The following RNF14 variants were observed in gnomAD, a reference collection of about 807,000 sequenced individuals.
The protein encoded by RNF14 is ring finger protein 14.
Under a neutral mutation model 52.6 loss-of-function variants are expected in RNF14, and 26 were observed. The ratio of observed to expected loss-of-function variants is 0.49; its 90% CI spans 0.36 to 0.69. The LOEUF (loss-of-function observed/expected upper bound fraction) is 0.69. Ranked by LOEUF, RNF14 falls within the 30% of genes least tolerant of loss-of-function variation. The pLI, the probability that RNF14 is intolerant of heterozygous loss-of-function variation, is 0.00. For synonymous variants in RNF14, 194 were observed against 202.0 expected (o/e 0.96, Z 0.34); for missense variants, 404 against 560.4 (o/e 0.72, Z 2.82).
upstream of RNF14, among the ~76,000 whole-genome samples, chr5:141,968,327 G>A (rs181789875): frequency 3.7e-3 from 561 of 152,106 alleles, 3 homozygotes; most frequent in African/African-American, 0.013. Flanking sequence ...GGCTGGTCTC[G>A]ATCTCCTGAC....
chr5:141,979,453 C>T lies in RNF14; in HGVS notation c.834+623C>T, dbSNP rs928018114. Among the ~76,000 whole-genome samples the T allele has an allele frequency of 1.2e-4, 19 of 152,056 alleles. 1 individual carries two copies. Among genetic ancestry groups the T allele is most frequent in the Admixed American group, 1.1e-3 (17 of 15,260 alleles). On this transcript the variant is annotated intron_variant, in intron 5 of 8. Coordinates refer to ENST00000394520, the MANE Select transcript of RNF14 (RefSeq NM_004290.5). ...TTTTAGTAGAGACGGGGTTTCACCA[C>T]GTTGGCCAGGCTGGTCTTGAACTCC...
intron 5 of RNF14, 128 bp downstream of exon 5, chr5:141,978,958 T>C (rs1754507553): frequency 1.0e-6 from 1 of 958,236 alleles, no homozygotes; most frequent in Admixed American, 2.7e-5. Context: ...CAAGTTGTTT[T>C]GCTGTATCCA....
rs116351048 is a variant in RNF14 at position 141,984,675 on chromosome 5, T to G, written c.1237-128T>G. The G allele has an allele frequency of 2.2e-3, 1,662 of 754,224 alleles. 24 individuals are homozygous for G. In the African/African-American group the frequency reaches 0.024, roughly 11 times the overall value. 46.7% of individuals were successfully genotyped at this position (754,224 alleles called of 1,614,324 possible). Reference sequence around the variant, plus strand: ...ATTACATAGTCATCAGTGTGTTACATTGATATCTCAACCCTGCATAAGAAA... The same window carrying G: ...ATTACATAGTCATCAGTGTGTTACAGTGATATCTCAACCCTGCATAAGAAA... On this transcript the variant is annotated intron_variant, in intron 7 of 8. Transcript: ENST00000394520.
chr5:141,984,712 C>T, intron 7 of RNF14, 91 bp from the exon 8 acceptor site: 2 of 1,211,440 alleles, frequency 1.7e-6, no homozygotes, highest in Non-Finnish European at 2.4e-6. Context: ...GGGAGAGGAC[C>T]AAGACAATGT....
chr5:141,981,501 G>C (rs776399721), intron 6 of RNF14: 2 of 152,038 alleles, frequency 1.3e-5, no homozygotes, highest in African/African-American at 4.8e-5. Context: ...GATCTTTGAC[G>C]TATCAGAGAA....
chr5:141,966,376 AAAT>A (rs1753349716), upstream of RNF14, among the ~76,000 whole-genome samples: 2 of 152,250 alleles, frequency 1.3e-5, no homozygotes, highest in Admixed American at 1.3e-4. Flanking sequence ...TATTAAAAAT[AAAT>A]AAAAATGTCA....
chr5:141,984,701 A>G, intron 7 of RNF14, 102 bp from the exon 8 acceptor site: 2 of 1,034,468 alleles, frequency 1.9e-6, no homozygotes, highest in East Asian at 2.4e-5. Flanking sequence ...GCATAAGAAA[A>G]GGGAGAGGAC....
upstream of RNF14, chr5:141,955,470 G>A (rs1218179381): frequency 3.7e-6 from 6 of 1,614,038 alleles, no homozygotes; most frequent in Non-Finnish European, 5.1e-6. This position sits in a 1 kb window ranked among gnomAD's most constrained non-coding sequence, Gnocchi z 5.5. Context: ...CATCTTTGTG[G>A]GACTGCCCGA....
At chr5:141,961,057 T>C (rs1753271461) in intron 1 of RNF14, among the ~76,000 whole-genome samples, 1 of 152,162 alleles carries the variant, frequency 6.6e-6, no homozygotes, top group South Asian at 2.1e-4. Context: ...CTGATGACAA[T>C]AGTATCTCTT....
chr5:141,978,916 A>T, intron 5 of RNF14, 86 bp downstream of exon 5: 1 of 1,455,762 alleles, frequency 6.9e-7, no homozygotes, highest in Admixed American at 1.9e-5. Flanking sequence ...GATAGGGCTC[A>T]TGGGGCAGTC....
chr5:141,978,745 A>G lies in RNF14; in HGVS notation c.749A>G (p.Tyr250Cys), dbSNP rs747984113. ...TACTGCAAAGCCTGTCTGAAGGACT[A>G]CTTTGAAATCCAGATCAGAGATGGC... ...HVYCKACLKD[Y>C]FEIQIRDGQV... The change falls in exon 5 of 9, where the codon TAC (tyrosine) becomes TGC (cysteine). Residue 250 changes from tyrosine (Y) to cysteine (C), a missense_variant. Tyr to Cys is a radical substitution (Grantham distance 194, BLOSUM62 -2). Transcript: ENST00000394520. 4.3e-6 allele frequency: 7 copies of G among 1,614,022 alleles called. No homozygotes were observed. The Admixed American group carries it at 1.0e-4, about 23-fold the overall frequency.
chr5:141,972,734 G>T (rs996018288), intron 2 of RNF14, among the ~76,000 whole-genome samples: 1 of 151,988 alleles, frequency 6.6e-6, no homozygotes, highest in Admixed American at 6.6e-5. Flanking sequence ...GGGATTACAG[G>T]GGTGAGCCAC....
intron 4 of RNF14, among the ~76,000 whole-genome samples, chr5:141,975,297 T>C (rs1754147381): frequency 6.6e-6 from 1 of 152,224 alleles, no homozygotes; most frequent in Non-Finnish European, 1.5e-5. Flanking sequence ...TGATACTACT[T>C]TTCTCTTAGT....
Position 141,983,083 on chromosome 5 carries a change from CTTT to C in RNF14, c.1064-292_1064-290del, listed in dbSNP as rs1024016595. On this transcript the variant is annotated intron_variant, in intron 6 of 8. Coordinates refer to ENST00000394520, the MANE Select transcript of RNF14 (RefSeq NM_004290.5). The stretch of plus-strand genomic sequence containing the variant: ...TTTACTGGGTTATAACATAAATATA[CTTT>C]TTTTCTGGATTCTGTGATGAGTGTT... Among the ~76,000 whole-genome samples, 3 of 152,176 alleles carry C rather than the reference CTTT, an allele frequency of 2.0e-5. 1 individual carries two copies. The highest frequency in any genetic ancestry group is 6.8e-3 in the Middle Eastern group (2 of 294).
chr5:141,956,284 A>C, upstream of RNF14: 5 of 1,614,172 alleles, frequency 3.1e-6, no homozygotes, highest in Non-Finnish European at 4.2e-6. Flanking sequence ...TTCATAGTTC[A>C]GTGACCTCTG....
At chr5:141,964,290 T>A (rs976310713), upstream of RNF14, among the ~76,000 whole-genome samples, 1 of 152,208 alleles carries the variant, frequency 6.6e-6, no homozygotes, top group African/African-American at 2.4e-5. Flanking sequence ...TTGAGCCAAG[T>A]ATTGACTTGG....
rs1473152434 is a variant in RNF14 at position 141,973,632 on chromosome 5, C to T, written c.44C>T (p.Ala15Val). 3.7e-6 allele frequency: 6 copies of T among 1,613,550 alleles called. No homozygotes were observed. Among genetic ancestry groups the T allele is most frequent in the African/African-American group, 1.3e-5 (1 of 74,884 alleles). Reference protein sequence around the residue: ...DREAQEDELLALASIYDGDEF... With the variant: ...DREAQEDELLVLASIYDGDEF... Reference sequence around the variant, plus strand: ...GAAGCTCAGGAGGATGAATTGCTGGCCCTGGCAAGTATTTACGATGGAGAT... The same window carrying T: ...GAAGCTCAGGAGGATGAATTGCTGGTCCTGGCAAGTATTTACGATGGAGAT... The change falls in exon 3 of 9, where the codon GCC becomes GTC. Residue 15 changes from alanine to valine, a missense_variant. Physicochemically the swap from Ala to Val is moderately conservative, Grantham distance 64. Transcript: ENST00000394520.
At chr5:141,957,985 A>T, upstream of RNF14, 1 of 1,006,178 alleles carries the variant, frequency 9.9e-7, no homozygotes, top group Non-Finnish European at 1.4e-6. The surrounding 1 kb of genome is among the most constrained non-coding windows in gnomAD (Gnocchi z 4.3). Context: ...ACCTTGTCCC[A>T]TAGTTAGATG....
chr5:141,954,063 A>G (rs1753135804), upstream of RNF14, among the ~76,000 whole-genome samples: 1 of 152,030 alleles, frequency 6.6e-6, no homozygotes, highest in Non-Finnish European at 1.5e-5. Context: ...TAGCCCTCAC[A>G]CTCTAAGGAG....
Sources: allele counts gnomAD v4.1 joint callset (sites outside exome capture counted in the v4.1 genomes callset), GRCh38; gene constraint gnomAD v4.1.1; non-coding constraint Gnocchi (gnomAD v3.1); transcripts MANE v1.5; gene names NCBI Gene and HGNC (gene_info 2026-07-23, HGNC 2026-07-21).